INTS9: variants seen among roughly 807,000 people sequenced by gnomAD.
The protein encoded by INTS9 is protein related to CPSF subunits of 74 kDa.
INTS9 carries 55 observed loss-of-function variants against 79.7 expected under a neutral mutation model. The ratio of observed to expected loss-of-function variants is 0.69; its 90% CI spans 0.56 to 0.86. The LOEUF (loss-of-function observed/expected upper bound fraction) is 0.86. Among genes scored for constraint, INTS9 ranks in the 40% least tolerant of loss-of-function variants. The pLI, the probability that INTS9 is intolerant of heterozygous loss-of-function variation, is 0.00. For missense variants in INTS9, 721 were observed against 831.5 expected, an observed-to-expected ratio of 0.87 and a Z score of 1.64; for synonymous variants, 319 against 325.2, an observed-to-expected ratio of 0.98 and a Z score of 0.20.
intron 6 of INTS9, among the ~76,000 whole-genome samples, chr8:28,817,242 T>TA (rs1278484348): frequency 6.6e-6 from 1 of 151,814 alleles, no homozygotes; most frequent in African/African-American, 2.4e-5. Flanking sequence ...GCCTATGTCC[T>TA]GAATGGTAAT....
intron 3 of INTS9, among the ~76,000 whole-genome samples, chr8:28,848,917 A>G (rs559007053): frequency 6.6e-6 from 1 of 152,302 alleles, no homozygotes; most frequent in Non-Finnish European, 1.5e-5. Flanking sequence ...GCAGGGAACA[A>G]TGATTTATAG....
intron 11 of INTS9, among the ~76,000 whole-genome samples, chr8:28,784,818 G>A (rs1803486012): frequency 6.6e-6 from 1 of 152,082 alleles, no homozygotes; most frequent in African/African-American, 2.4e-5. Flanking sequence ...ACACAACACT[G>A]CCCCCTCTCA....
chr8:28,820,793 T>C (rs1805785538), intron 6 of INTS9, among the ~76,000 whole-genome samples: 1 of 152,118 alleles, frequency 6.6e-6, no homozygotes, highest in Non-Finnish European at 1.5e-5. Flanking sequence ...TCAGTATGCA[T>C]GGGCCAGTAG....
chr8:28,857,363 G>C (rs756643891), intron 2 of INTS9, among the ~76,000 whole-genome samples: 6 of 152,192 alleles, frequency 3.9e-5, no homozygotes, highest in African/African-American at 4.8e-5. Context: ...GGTCAAATAA[G>C]ATGAGGACTG....
At chr8:28,823,689 CA>C (rs536212262) in intron 6 of INTS9, among the ~76,000 whole-genome samples, 241 of 152,092 alleles carry the variant, frequency 1.6e-3, no homozygotes, top group African/African-American at 5.5e-3. Flanking sequence ...TGAGGAGAGA[CA>C]AGTAGGGAAA....
At chr8:28,812,067 C>G (rs538628207) in intron 8 of INTS9, among the ~76,000 whole-genome samples, 1 of 152,342 alleles carries the variant, frequency 6.6e-6, no homozygotes, top group South Asian at 2.1e-4. Context: ...GCATAACCAT[C>G]TGTGTCCCAC....
At chr8:28,824,237 C>A (rs1418445683) in intron 6 of INTS9, among the ~76,000 whole-genome samples, 1 of 152,180 alleles carries the variant, frequency 6.6e-6, no homozygotes, top group Non-Finnish European at 1.5e-5. Context: ...CCCAGAAGGG[C>A]CTCAACAATA....
chr8:28,882,475 G>GAAATA (rs1193378161), intron 1 of INTS9, among the ~76,000 whole-genome samples: 1 of 64,902 alleles, frequency 1.5e-5, no homozygotes, highest in Non-Finnish European at 3.2e-5. Flanking sequence ...AAAAAAAATA[G>GAAATA]AAATAAAATA....
At chr8:28,812,779 A>C (rs551196888) in intron 7 of INTS9, among the ~76,000 whole-genome samples, 3 of 152,324 alleles carry the variant, frequency 2.0e-5, no homozygotes, top group East Asian at 3.9e-4. Flanking sequence ...GGAGCCCGGG[A>C]AGTTGAGGCT....
chr8:28,880,253 TCCC>T (rs1563317648), intron 1 of INTS9, among the ~76,000 whole-genome samples: 2 of 124,572 alleles, frequency 1.6e-5, no homozygotes, highest in South Asian at 5.8e-4. Flanking sequence ...CCTCTCCCTC[TCCC>T]TCTCCCTCTC....
chr8:28,822,523 A>C (rs139005925), intron 6 of INTS9, among the ~76,000 whole-genome samples: 3 of 152,280 alleles, frequency 2.0e-5, no homozygotes, highest in Admixed American at 6.5e-5. Flanking sequence ...GATCTGGCCC[A>C]AAAACAGTGC....
intron 6 of INTS9, among the ~76,000 whole-genome samples, chr8:28,829,670 T>C (rs575531688): frequency 6.6e-6 from 1 of 152,282 alleles, no homozygotes; most frequent in African/African-American, 2.4e-5. Context: ...TGCCTATATA[T>C]AGTATAATTC....
At chr8:28,832,768 T>C (rs992060922) in intron 6 of INTS9, among the ~76,000 whole-genome samples, 8 of 150,718 alleles carry the variant, frequency 5.3e-5, no homozygotes, top group Admixed American at 2.0e-4. Context: ...TCAAGACCAG[T>C]CTGGCCAATA....
chr8:28,799,265 C>T (rs1043308834), intron 8 of INTS9, among the ~76,000 whole-genome samples: 1 of 152,212 alleles, frequency 6.6e-6, no homozygotes, highest in Non-Finnish European at 1.5e-5. Context: ...CATTGCACTC[C>T]AGCCTGGGCA....
intron 10 of INTS9, among the ~76,000 whole-genome samples, chr8:28,792,308 TA>T (rs1585360975): frequency 6.6e-6 from 1 of 151,932 alleles, no homozygotes; most frequent in African/African-American, 2.4e-5. Flanking sequence ...AAATTCCAGA[TA>T]AAATAGTTAA....
At chr8:28,775,734 A>G in intron 14 of INTS9, 25 bp downstream of exon 14, 1 of 1,612,656 alleles carries the variant, frequency 6.2e-7, no homozygotes, top group African/African-American at 1.3e-5. Flanking sequence ...GCTCTAGTTT[A>G]ACCCTAGGAA....
chr8:28,871,231 T>C (rs535131497), intron 1 of INTS9, among the ~76,000 whole-genome samples: 255 of 152,322 alleles, frequency 1.7e-3, no homozygotes, highest in Non-Finnish European at 2.8e-3. Flanking sequence ...TAATGTATGC[T>C]GATCCTACAG....
At position 28,809,026 on chromosome 8, in the gene INTS9, T is replaced by A. The variant is rs527453538; in HGVS notation, c.744+3301A>T. Among the ~76,000 whole-genome samples the A allele has an allele frequency of 1.2e-4, 19 of 152,134 alleles. No homozygotes were observed. The East Asian group carries it at 3.7e-3, about 29-fold the overall frequency. ...GTACAATGGCACAAACATGGCTCAC[T>A]GCAGCCTCAACCTCCCAGGCTGAAG... On this transcript the variant is annotated intron_variant, in intron 8 of 16. Transcript: ENST00000521022.
At chr8:28,775,959 G>C in intron 13 of INTS9, 33 bp from the exon 14 acceptor site, 1 of 1,511,222 alleles carries the variant, frequency 6.6e-7, no homozygotes, top group Non-Finnish European at 8.9e-7. Context: ...GAGAAAGGTG[G>C]TGTGAAGTAC....
Sources: allele counts gnomAD v4.1 joint callset (sites outside exome capture counted in the v4.1 genomes callset), GRCh38; gene constraint gnomAD v4.1.1; transcripts MANE v1.5; gene names NCBI Gene and HGNC (gene_info 2026-07-23, HGNC 2026-07-21).